The following PKHD1L1 variants were observed in gnomAD, a reference collection of about 807,000 sequenced individuals.
PKHD1L1 encodes PKHD1 like 1.
In PKHD1L1, 434 loss-of-function variants were observed where a neutral mutation model predicts 462.9. The ratio of observed to expected loss-of-function variants is 0.94; its 90% CI spans 0.87 to 1.02. PKHD1L1 has a LOEUF of 1.02. Ranked by LOEUF, PKHD1L1 falls within the 50% of genes least tolerant of loss-of-function variation. PKHD1L1 has a pLI of 0.00. For missense variants in PKHD1L1, 5,202 were observed against 5,096.1 expected (o/e 1.02, Z -0.63); for synonymous variants, 1,781 against 1,750.0 (o/e 1.02, Z -0.44).
intron 23 of PKHD1L1, among the ~76,000 whole-genome samples, chr8:109,422,731 T>C (rs1257124747): frequency 6.6e-6 from 1 of 152,168 alleles, no homozygotes; most frequent in Non-Finnish European, 1.5e-5. Context: ...TCGGTTAAAT[T>C]CCCAACAGTG....
At chr8:109,472,436 T>C (rs560660877) in intron 50 of PKHD1L1, among the ~76,000 whole-genome samples, 4 of 152,310 alleles carry the variant, frequency 2.6e-5, no homozygotes, top group African/African-American at 7.2e-5. Flanking sequence ...GGGAATCTGG[T>C]ATTTCTGAAT....
intron 35 of PKHD1L1, among the ~76,000 whole-genome samples, chr8:109,442,426 A>T (rs1421405260): frequency 6.6e-6 from 1 of 152,214 alleles, no homozygotes; most frequent in African/African-American, 2.4e-5. Context: ...TGATTCTGTG[A>T]TAATCAACCA....
chr8:109,510,863 T>C lies in PKHD1L1; in HGVS notation c.11482T>C (p.Tyr3828His), dbSNP rs1386721181. Residue 3828 changes from tyrosine to histidine, a missense_variant, in exon 71 of 78, where the codon TAT becomes CAT. Coordinates refer to ENST00000378402, the MANE Select transcript of PKHD1L1 (RefSeq NM_177531.6). ...CAGCATTGTGGCTCTGAACAAATCT[T>C]ATGAAGTTTACTTCACTGGCACCAG... ...FHSIVALNKS[Y>H]EVYFTGTSPQ... 6.2e-7 allele frequency: 1 copy of C among 1,613,258 alleles called. No homozygotes were observed. Among genetic ancestry groups the C allele is most frequent in the South Asian group, 1.1e-5 (1 of 91,066 alleles).
intron 2 of PKHD1L1, among the ~76,000 whole-genome samples, chr8:109,370,958 G>T (rs1266609357): frequency 2.0e-5 from 3 of 152,082 alleles, no homozygotes; most frequent in South Asian, 2.1e-4. Flanking sequence ...GAATAGTGCC[G>T]CAATAAACAT....
chr8:109,424,025 AT>A (rs1814612824), intron 23 of PKHD1L1, among the ~76,000 whole-genome samples: 1 of 152,104 alleles, frequency 6.6e-6, no homozygotes, highest in African/African-American at 2.4e-5. Flanking sequence ...AATTCAACAC[AT>A]TTTTACAAAG....
At chr8:109,461,989 G>T (rs1817163365) in intron 48 of PKHD1L1, 81 bp downstream of exon 48, 2 of 1,447,028 alleles carry the variant, frequency 1.4e-6, no homozygotes, top group Non-Finnish European at 1.9e-6. Context: ...CCTGCTGTTT[G>T]TCAATGCTAC....
intron 5 of PKHD1L1, 30 bp downstream of exon 5, chr8:109,384,157 T>A: frequency 6.8e-7 from 1 of 1,481,050 alleles, no homozygotes; most frequent in Non-Finnish European, 9.4e-7. Flanking sequence ...AAATAACTTT[T>A]GGTTTCATGG....
At position 109,448,244 on chromosome 8, in the gene PKHD1L1, G is replaced by A. The variant is rs1816271439; in HGVS notation, c.5878G>A (p.Ala1960Thr). 1.5e-5 allele frequency: 24 copies of A among 1,613,362 alleles called. No homozygotes were observed. The highest frequency in any genetic ancestry group is 1.9e-5 in the Non-Finnish European group (23 of 1,179,742). Residue 1960 changes from alanine to threonine, a missense_variant, in exon 39 of 78, where the codon GCC (alanine) becomes ACC (threonine). Coordinates refer to ENST00000378402, the MANE Select transcript of PKHD1L1 (RefSeq NM_177531.6). ...TAACATTCAGTGTAATGTAACCATG[G>A]CCAATGATAGTGTGGTGCAGTGCAT... is the stretch of plus-strand genomic sequence containing the variant. The part of the protein sequence containing the change: ...INNIQCNVTM[A>T]NDSVVQCIVG...
chr8:109,440,742 T>C lies in PKHD1L1; in HGVS notation c.3989T>C (p.Leu1330Ser), dbSNP rs773969906. 1.9e-6 allele frequency: 3 copies of C among 1,612,816 alleles called. No homozygotes were observed. In the Admixed American group the frequency reaches 5.0e-5, roughly 27 times the overall value. The change falls in exon 33 of 78, where the codon TTA becomes TCA. Residue 1330 changes from leucine (L) to serine (S), a missense_variant. Physicochemically the swap from Leu to Ser is moderately radical, Grantham distance 145. Transcript: ENST00000378402. ...TTAAATTCTTCAATACAGTATGTTT[T>C]AGAAGTGACCAGCATGTTTCCACAA... Reference protein sequence around the residue: ...DKLNSSIQYVLEVTSMFPQRG... With the variant: ...DKLNSSIQYVSEVTSMFPQRG...
intron 2 of PKHD1L1, among the ~76,000 whole-genome samples, chr8:109,365,227 T>G (rs961061111): frequency 6.6e-6 from 1 of 152,216 alleles, no homozygotes; most frequent in African/African-American, 2.4e-5. Context: ...AAATATGTGT[T>G]TCTTTCAGCC....
At chr8:109,518,632 C>T (rs1055556180) in intron 73 of PKHD1L1, 124 bp downstream of exon 73, 2 of 743,288 alleles carry the variant, frequency 2.7e-6, no homozygotes, top group African/African-American at 1.8e-5. Context: ...CCTGAACCCT[C>T]TAAGTGCCCA....
chr8:109,422,623 A>G (rs1814531566), intron 23 of PKHD1L1, among the ~76,000 whole-genome samples: 1 of 152,182 alleles, frequency 6.6e-6, no homozygotes, highest in Non-Finnish European at 1.5e-5. Context: ...CACCCGTTGA[A>G]GGACATTTGA....
chr8:109,362,696 G>C (rs748978963), intron 1 of PKHD1L1, 43 bp downstream of exon 1: 1 of 1,549,260 alleles, frequency 6.5e-7, no homozygotes, highest in South Asian at 1.2e-5. Flanking sequence ...GGAGAGGCCC[G>C]CGTAGACACT....
chr8:109,427,291 G>A (rs377532190), intron 25 of PKHD1L1, 135 bp downstream of exon 25: 3 of 695,330 alleles, frequency 4.3e-6, no homozygotes, highest in Non-Finnish European at 4.9e-6. Flanking sequence ...TCTTTAAAAG[G>A]AAGTTAAGGA....
chr8:109,371,455 G>T (rs1309617280), intron 2 of PKHD1L1, among the ~76,000 whole-genome samples: 1 of 150,388 alleles, frequency 6.6e-6, no homozygotes, highest in Non-Finnish European at 1.5e-5. Context: ...TCTGTAGGTT[G>T]CCTGTTCACT....
At chr8:109,470,381 A>G (rs1817658173) in intron 50 of PKHD1L1, 1 of 1,566,570 alleles carries the variant, frequency 6.4e-7, no homozygotes, top group East Asian at 2.2e-5. Flanking sequence ...CTTATTATAG[A>G]TCTTTCCAAT....
chr8:109,384,467 C>T (rs7821332), intron 5 of PKHD1L1, among the ~76,000 whole-genome samples: 3,625 of 151,940 alleles, frequency 0.024, 138 homozygotes, highest in African/African-American at 0.083. Flanking sequence ...CACTTGAGCC[C>T]AGGAGTGTGA....
In PKHD1L1 at chr8:109,409,906, A is replaced by G. The variant is rs1813749436; in HGVS notation, c.2013A>G (p.Pro671=). 1.9e-6 allele frequency: 3 copies of G among 1,607,566 alleles called. No individual in the cohort carries two copies. The highest frequency in any genetic ancestry group is 2.5e-6 in the Non-Finnish European group (3 of 1,177,592). Residue 671 remains proline, a synonymous_variant, in exon 19 of 78, where the codon CCA becomes CCG. Transcript: ENST00000378402. ...AAGAAATGGTTAGCACTAAGTGTCC[A>G]CCACAAATTGCAAATTTTGAAGAAG... ...AVEEMVSTKC[P]PQIANFEEGF...
intron 28 of PKHD1L1, 104 bp from the exon 29 acceptor site, chr8:109,435,086 G>A (rs1452897179): frequency 2.5e-6 from 3 of 1,190,792 alleles, no homozygotes; most frequent in Non-Finnish European, 3.6e-6. Context: ...TATACTTCGT[G>A]AGATCTAAAA....
Sources: allele counts gnomAD v4.1 joint callset (sites outside exome capture counted in the v4.1 genomes callset), GRCh38; gene constraint gnomAD v4.1.1; transcripts MANE v1.5; gene names NCBI Gene and HGNC (gene_info 2026-07-23, HGNC 2026-07-21).